FRMD4B: variants seen among roughly 807,000 people sequenced by gnomAD.
FRMD4B encodes the protein FERM domain-containing protein 4B.
Under a neutral mutation model 141.5 loss-of-function variants are expected in FRMD4B, and 74 were observed. The ratio of observed to expected loss-of-function variants is 0.52; its 90% confidence interval spans 0.43 to 0.63. The LOEUF is 0.63. Ranked by LOEUF, FRMD4B falls within the 30% of genes least tolerant of loss-of-function variation. The pLI is 0.00. For missense variants in FRMD4B, 1,366 were observed against 1,253.4 expected (o/e 1.09, Z -1.36); for synonymous variants, 506 against 467.9 (o/e 1.08, Z -1.05).
intron 7 of FRMD4B, among the ~76,000 whole-genome samples, chr3:69,233,439 G>A (rs773409200): frequency 1.3e-5 from 2 of 149,222 alleles, no homozygotes; most frequent in Non-Finnish European, 3.0e-5. Context: ...AGCCACGATC[G>A]CCTACTGCAC....
At chr3:69,272,689 A>G (rs544012570) in intron 5 of FRMD4B, among the ~76,000 whole-genome samples, 2 of 152,334 alleles carry the variant, frequency 1.3e-5, no homozygotes, top group African/African-American at 4.8e-5. Flanking sequence ...GGTACGACTA[A>G]AATTGTTGGT....
At chr3:69,249,762 A>G (rs1027893175) in intron 6 of FRMD4B, among the ~76,000 whole-genome samples, 6 of 152,174 alleles carry the variant, frequency 3.9e-5, no homozygotes, top group African/African-American at 1.4e-4. Context: ...TGCCTCCCAA[A>G]TTCAAGTATC....
chr3:69,321,599 G>A (rs1377725224), intron 1 of FRMD4B, among the ~76,000 whole-genome samples: 1 of 152,200 alleles, frequency 6.6e-6, no homozygotes. Context: ...TGTCTCCGCA[G>A]GGCCTAGAAC....
intron 1 of FRMD4B, among the ~76,000 whole-genome samples, chr3:69,313,935 C>A (rs1168803459): frequency 2.0e-5 from 3 of 148,360 alleles, no homozygotes; most frequent in African/African-American, 7.5e-5. Context: ...GTCAGGAGAT[C>A]GAGACCATCC....
chr3:69,199,827 T>A (rs756385874), intron 11 of FRMD4B, among the ~76,000 whole-genome samples: 2 of 152,192 alleles, frequency 1.3e-5, no homozygotes, highest in Non-Finnish European at 2.9e-5. Context: ...AGAAAGCAGC[T>A]CATTCACAGA....
chr3:69,417,693 T>C (rs536694494), intron 2 of FRMD4B, among the ~76,000 whole-genome samples: 1 of 152,366 alleles, frequency 6.6e-6, no homozygotes, highest in Non-Finnish European at 1.5e-5. Flanking sequence ...CGCCATTATA[T>C]TAATTTCATC....
intron 1 of FRMD4B, among the ~76,000 whole-genome samples, chr3:69,371,867 T>C (rs1331863088): frequency 2.0e-5 from 3 of 152,198 alleles, no homozygotes; most frequent in African/African-American, 7.2e-5. Flanking sequence ...GCCTAGAATG[T>C]AATAGGCCCT....
intron 21 of FRMD4B, among the ~76,000 whole-genome samples, chr3:69,180,002 C>T (rs2092687749): frequency 6.6e-6 from 1 of 152,092 alleles, no homozygotes; most frequent in Non-Finnish European, 1.5e-5. Flanking sequence ...AGTTAGGGGC[C>T]AAAGTCAACA....
chr3:69,360,929 A>G (rs577143037), intron 1 of FRMD4B, among the ~76,000 whole-genome samples: 1 of 152,240 alleles, frequency 6.6e-6, no homozygotes, highest in African/African-American at 2.4e-5. Flanking sequence ...CTTACTTACT[A>G]GTGAGAATAT....
At chr3:69,298,360 G>T (rs1177429774) in intron 4 of FRMD4B, among the ~76,000 whole-genome samples, 1 of 152,214 alleles carries the variant, frequency 6.6e-6, no homozygotes, top group East Asian at 1.9e-4. Flanking sequence ...GACTCAGTCT[G>T]GTTCACCCCA....
intron 7 of FRMD4B, among the ~76,000 whole-genome samples, chr3:69,237,886 A>T (rs1378144099): frequency 6.6e-6 from 1 of 152,132 alleles, no homozygotes; most frequent in Non-Finnish European, 1.5e-5. Flanking sequence ...ACGCACCACC[A>T]TGCTCGGCTC....
At chr3:69,184,739 T>C (rs1480027980) in intron 19 of FRMD4B, among the ~76,000 whole-genome samples, 1 of 152,234 alleles carries the variant, frequency 6.6e-6, no homozygotes, top group African/African-American at 2.4e-5. Context: ...TCTCATGTTA[T>C]CCAATAGGAC....
At chr3:69,225,999 G>A (rs1033638365) in intron 7 of FRMD4B, among the ~76,000 whole-genome samples, 2 of 151,996 alleles carry the variant, frequency 1.3e-5, no homozygotes, top group African/African-American at 4.8e-5. Flanking sequence ...CACTTCTTGG[G>A]CATTATTTAC....
chr3:69,311,459 G>A, intron 2 of FRMD4B, 102 bp from the exon 3 acceptor site: 1 of 621,794 alleles, frequency 1.6e-6, no homozygotes, highest in Non-Finnish European at 2.9e-6. Context: ...TTGTTTATTT[G>A]TTTGTTTCTT....
intron 5 of FRMD4B, among the ~76,000 whole-genome samples, chr3:69,261,272 G>A (rs1226848577): frequency 1.3e-5 from 2 of 152,206 alleles, no homozygotes; most frequent in East Asian, 3.8e-4. Context: ...CAGAAGGAAT[G>A]GACTTTGGAC....
At chr3:69,427,656 T>G (rs1175278984) in intron 2 of FRMD4B, among the ~76,000 whole-genome samples, 6 of 125,186 alleles carry the variant, frequency 4.8e-5, no homozygotes, top group African/African-American at 9.3e-5. Flanking sequence ...TTTTTTTTTT[T>G]TTTTTTTTTT....
intron 1 of FRMD4B, among the ~76,000 whole-genome samples, chr3:69,356,856 A>G (rs1272811295): frequency 6.6e-6 from 1 of 152,118 alleles, no homozygotes; most frequent in Non-Finnish European, 1.5e-5. Flanking sequence ...CACTGTCTGA[A>G]TTATGAAATG....
At chr3:69,426,780 G>T (rs1705085769) in intron 2 of FRMD4B, among the ~76,000 whole-genome samples, 1 of 152,112 alleles carries the variant, frequency 6.6e-6, no homozygotes, top group Non-Finnish European at 1.5e-5. Context: ...TTTATCCTCA[G>T]ATGTAATAAG....
At chr3:69,344,303 G>A (rs1001873859) in intron 1 of FRMD4B, among the ~76,000 whole-genome samples, 2 of 152,126 alleles carry the variant, frequency 1.3e-5, no homozygotes, top group South Asian at 4.1e-4. Flanking sequence ...TTCTTTCTTT[G>A]TGAAAAGGAG....
Sources: allele counts gnomAD v4.1 joint callset (sites outside exome capture counted in the v4.1 genomes callset), GRCh38; gene constraint gnomAD v4.1.1; transcripts MANE v1.5; gene names NCBI Gene and HGNC (gene_info 2026-07-23, HGNC 2026-07-21).